Variants in SYT1 observed in about 807,000 individuals in gnomAD.
SYT1 encodes the protein synaptotagmin-1.
In SYT1, 8 loss-of-function variants were observed where a neutral mutation model predicts 44.8. The observed-to-expected ratio is 0.18, with a 90% CI of 0.10 to 0.32. SYT1 has a LOEUF of 0.32. Ranked by LOEUF, SYT1 falls within the 10% of genes least tolerant of loss-of-function variation. The pLI, the probability that SYT1 is intolerant of heterozygous loss-of-function variation, is 1.00. For synonymous variants in SYT1, 154 were observed against 188.8 expected (o/e 0.82, Z 1.51); for missense variants, 286 against 509.3 (o/e 0.56, Z 4.22).
At chr12:78,951,427 A>G (rs991302539) in intron 1 of SYT1, among the ~76,000 whole-genome samples, 1 of 152,264 alleles carries the variant, frequency 6.6e-6, no homozygotes, top group South Asian at 2.1e-4. Flanking sequence ...TATATGGGCA[A>G]GGAATTGTTA....
intron 1 of SYT1, among the ~76,000 whole-genome samples, chr12:78,890,895 C>T (rs1425767162): frequency 1.3e-5 from 2 of 151,840 alleles, no homozygotes; most frequent in African/African-American, 4.8e-5. Flanking sequence ...TAGAAAGTTT[C>T]TGAATTACAA....
intron 8 of SYT1, among the ~76,000 whole-genome samples, chr12:79,352,778 T>C (rs1315737589): frequency 6.6e-6 from 1 of 152,152 alleles, no homozygotes; most frequent in African/African-American, 2.4e-5. Flanking sequence ...ACAGGACTGT[T>C]GAATGTTCTT....
intron 2 of SYT1, among the ~76,000 whole-genome samples, chr12:78,984,633 T>G (rs1869514935): frequency 6.6e-6 from 1 of 151,914 alleles, no homozygotes; most frequent in South Asian, 2.1e-4. Flanking sequence ...AGAATAGAAT[T>G]TAATTGAATG....
At chr12:79,098,230 A>T (rs980758401) in intron 3 of SYT1, among the ~76,000 whole-genome samples, 3 of 152,078 alleles carry the variant, frequency 2.0e-5, no homozygotes, top group Non-Finnish European at 2.9e-5. Flanking sequence ...TCTTTCTGAC[A>T]CTAAAGCCAT....
intron 3 of SYT1, among the ~76,000 whole-genome samples, chr12:79,172,673 C>G: frequency 6.6e-6 from 1 of 151,686 alleles, no homozygotes; most frequent in African/African-American, 2.4e-5. Flanking sequence ...AGTCACAACA[C>G]TTGAGATTTG....
intron 9 of SYT1, among the ~76,000 whole-genome samples, chr12:79,434,802 A>G (rs1869993333): frequency 6.6e-6 from 1 of 152,056 alleles, no homozygotes. Flanking sequence ...TTGAGAAACT[A>G]TAAATATTGG....
chr12:79,256,363 T>C (rs74331665), intron 4 of SYT1, among the ~76,000 whole-genome samples: 12,746 of 152,310 alleles, frequency 0.084, 704 homozygotes, highest in Middle Eastern at 0.16. Flanking sequence ...TCAGGCTTTG[T>C]TGGCCTGCAG....
At chr12:78,962,588 G>A (rs1879568462) in intron 1 of SYT1, among the ~76,000 whole-genome samples, 1 of 151,886 alleles carries the variant, frequency 6.6e-6, no homozygotes, top group Admixed American at 6.6e-5. Flanking sequence ...GTGTGGTGGG[G>A]GAGAGAGAGA....
intron 1 of SYT1, among the ~76,000 whole-genome samples, chr12:78,890,957 A>C (rs1010497506): frequency 3.3e-5 from 5 of 151,924 alleles, no homozygotes; most frequent in African/African-American, 9.7e-5. Context: ...ACCTCTCCAG[A>C]TTTTAGGTAC....
chr12:79,046,946 A>G (rs1398741848), intron 2 of SYT1, among the ~76,000 whole-genome samples: 2 of 151,920 alleles, frequency 1.3e-5, no homozygotes, highest in Admixed American at 1.3e-4. Context: ...TTAATTGACT[A>G]AGAATCATGT....
intron 1 of SYT1, among the ~76,000 whole-genome samples, chr12:78,933,759 A>G (rs997631086): frequency 8.5e-5 from 13 of 152,170 alleles, no homozygotes; most frequent in African/African-American, 3.1e-4. Flanking sequence ...CATAAATTCT[A>G]CAGGCCAATT....
intron 3 of SYT1, among the ~76,000 whole-genome samples, chr12:79,203,532 C>T (rs773243091): frequency 1.3e-5 from 2 of 152,008 alleles, no homozygotes; most frequent in Non-Finnish European, 2.9e-5. Flanking sequence ...AACCAACCAT[C>T]GGCAAAAAGA....
intron 4 of SYT1, among the ~76,000 whole-genome samples, chr12:79,252,881 C>T (rs1410427777): frequency 3.3e-5 from 5 of 152,152 alleles, no homozygotes; most frequent in Admixed American, 2.0e-4. Flanking sequence ...AGCTAGTTGA[C>T]AGGTTGAGCC....
Position 79,308,485 on chromosome 12 carries a change from A to T in SYT1, c.810+8934A>T, listed in dbSNP as rs551706083. Among the ~76,000 whole-genome samples, 3 of 151,924 alleles carry T rather than the reference A, an allele frequency of 2.0e-5. No homozygotes were observed. In the East Asian group the frequency reaches 5.8e-4, roughly 29 times the overall value. ...AGATCATGCCATTGCACTGCAGCCT[A>T]TACAACAAGAGCGAAACTCCGTCAA... On this transcript the variant is annotated intron_variant, in intron 8 of 10. Coordinates refer to ENST00000261205, the MANE Select transcript of SYT1 (RefSeq NM_005639.3).
At chr12:79,325,417 A>T (rs1161120853) in intron 8 of SYT1, among the ~76,000 whole-genome samples, 1 of 152,244 alleles carries the variant, frequency 6.6e-6, no homozygotes, top group Non-Finnish European at 1.5e-5. Context: ...AACAATTTGG[A>T]TACTGAATAA....
At chr12:79,276,070 TA>T (rs1406917825) in intron 4 of SYT1, among the ~76,000 whole-genome samples, 6 of 152,174 alleles carry the variant, frequency 3.9e-5, no homozygotes, top group Admixed American at 1.3e-4. Flanking sequence ...TCCATCAAAA[TA>T]AATTTTTAAA....
At chr12:79,161,987 T>G (rs1592806264) in intron 3 of SYT1, among the ~76,000 whole-genome samples, 1 of 152,260 alleles carries the variant, frequency 6.6e-6, no homozygotes, top group African/African-American at 2.4e-5. Flanking sequence ...ATTGTTCGAT[T>G]CCACACACAA....
intron 8 of SYT1, among the ~76,000 whole-genome samples, chr12:79,327,918 T>A (rs1443483893): frequency 6.6e-6 from 1 of 152,172 alleles, no homozygotes; most frequent in East Asian, 1.9e-4. Flanking sequence ...GTACTGTACA[T>A]GTGAGAGGGG....
intron 6 of SYT1, 60 bp from the exon 7 acceptor site, chr12:79,296,009 C>G: frequency 6.6e-7 from 1 of 1,519,046 alleles, no homozygotes; most frequent in Non-Finnish European, 8.9e-7. Flanking sequence ...GTGAACAAAT[C>G]GATCTTTTCC....
Sources: gnomAD v4.1 joint callset for allele counts (sites outside exome capture counted in the v4.1 genomes callset) on GRCh38, gnomAD v4.1.1 for gene constraint, MANE v1.5 for transcripts, NCBI Gene and HGNC (gene_info 2026-07-23, HGNC 2026-07-21) for gene names.